Variants in BNC2 observed in about 807,000 individuals in gnomAD.
BNC2 encodes the protein basonuclin zinc finger protein 2.
In BNC2, 20 loss-of-function variants were observed where a neutral mutation model predicts 76.3. The ratio of observed to expected loss-of-function variants is 0.26; its 90% confidence interval spans 0.18 to 0.38. The LOEUF is 0.38. Ranked by LOEUF, BNC2 falls within the 10% of genes least tolerant of loss-of-function variation. The pLI is 1.00. For missense variants in BNC2, 1,382 were observed against 1,399.8 expected (o/e 0.99, Z 0.20); for synonymous variants, 582 against 514.8 (o/e 1.13, Z -1.77).
At position 16,416,587 on chromosome 9, in the gene BNC2, T is replaced by C. The variant is rs1205545265; in HGVS notation, c.*2402A>G. The C allele has an allele frequency of 6.6e-6, 1 of 152,618 alleles. No individual in the cohort carries two copies. The highest frequency in any genetic ancestry group is 1.5e-5 in the Non-Finnish European group (1 of 68,048). The allele number at this position is 152,618 out of a possible 1,614,324, so 9.5% of individuals were successfully genotyped here. A position where few individuals can be genotyped will look rare whatever the true frequency, so the allele number is the denominator to read the frequency against. The stretch of plus-strand genomic sequence containing the variant: ...AACAAAAACGATTATTACTAATTCC[T>C]CAGCTTTTTACCATAAACACTTGTC... On this transcript the variant is annotated 3_prime_UTR_variant, in exon 7 of 7. Coordinates refer to ENST00000380672, the MANE Select transcript of BNC2 (RefSeq NM_017637.6).
chr9:16,427,794 T>C (rs1248377319), intron 6 of BNC2, among the ~76,000 whole-genome samples: 1 of 152,292 alleles, frequency 6.6e-6, no homozygotes, highest in Admixed American at 6.5e-5. Context: ...ACAGCATCTT[T>C]ACCTACCCTC....
chr9:16,492,143 T>C (rs987385591), intron 5 of BNC2, among the ~76,000 whole-genome samples: 1 of 151,578 alleles, frequency 6.6e-6, no homozygotes, highest in East Asian at 1.9e-4. Context: ...TTCTTTTTTT[T>C]CCCCACCCTT....
At chr9:16,563,796 A>C (rs1247307913) in intron 4 of BNC2, among the ~76,000 whole-genome samples, 1 of 152,234 alleles carries the variant, frequency 6.6e-6, no homozygotes, top group African/African-American at 2.4e-5. Context: ...GGATACATGA[A>C]CTAATCTGAG....
chr9:16,582,927 A>G lies in BNC2; in HGVS notation c.433+56T>C, dbSNP rs966204401. On this transcript the variant is annotated intron_variant, in intron 4 of 6. Transcript: ENST00000380672. ...CACACACACACACACACACACACAC[A>G]CACACACGAACATGAACATAATAAG... is the stretch of plus-strand genomic sequence containing the variant. 3 of 1,294,414 alleles carry G rather than the reference A, an allele frequency of 2.3e-6. No homozygotes were observed. In the African/African-American group the frequency reaches 4.4e-5, roughly 19 times the overall value. The allele number at this position is 1,294,414 out of a possible 1,614,324, so 80.2% of individuals were successfully genotyped here.
intron 1 of BNC2, among the ~76,000 whole-genome samples, chr9:16,843,324 A>G (rs1295042024): frequency 6.6e-6 from 1 of 152,174 alleles, no homozygotes; most frequent in African/African-American, 2.4e-5. Context: ...GGTGTACACT[A>G]AGATACATTC....
At position 16,780,105 on chromosome 9, in the gene BNC2, G is replaced by A. The variant is rs570634931; in HGVS notation, c.4-41620C>T. ...CAAAAAATTAGCCGGGCGCGGTGGC[G>A]GGTGCCTGTAGTCCCAGCTACTAGG... On this transcript the variant is annotated intron_variant, in intron 1 of 6. Transcript: ENST00000380672. 4.0e-5 allele frequency among the ~76,000 whole-genome samples: 6 copies of A among 151,524 alleles called. No individual in the cohort carries two copies. The South Asian group carries it at 6.3e-4, about 16-fold the overall frequency.
At chr9:16,839,478 A>C (rs1343300463) in intron 1 of BNC2, among the ~76,000 whole-genome samples, 1 of 152,200 alleles carries the variant, frequency 6.6e-6, no homozygotes, top group Admixed American at 6.5e-5. Flanking sequence ...AAGCAATGAT[A>C]AACATTTAAT....
intron 5 of BNC2, among the ~76,000 whole-genome samples, chr9:16,491,951 C>A (rs1822288198): frequency 6.6e-6 from 1 of 152,134 alleles, no homozygotes; most frequent in African/African-American, 2.4e-5. Flanking sequence ...TCCGCTTTTA[C>A]AAATCAATTT....
intron 3 of BNC2, among the ~76,000 whole-genome samples, chr9:16,657,069 G>T (rs1324298729): frequency 2.0e-5 from 3 of 152,136 alleles, no homozygotes; most frequent in African/African-American, 7.2e-5. Flanking sequence ...GCTTAGTTTT[G>T]AAGTGGATCA....
intron 1 of BNC2, among the ~76,000 whole-genome samples, chr9:16,867,195 C>A (rs1009917839): frequency 2.8e-4 from 43 of 152,114 alleles, no homozygotes; most frequent in African/African-American, 8.7e-4. Context: ...TAAAAATCTA[C>A]ATTTAAATGC....
intron 5 of BNC2, among the ~76,000 whole-genome samples, chr9:16,502,843 G>A (rs1333925823): frequency 6.6e-6 from 1 of 152,106 alleles, no homozygotes; most frequent in Non-Finnish European, 1.5e-5. Context: ...GAAGAGATGG[G>A]GTTAATCCCA....
intron 3 of BNC2, among the ~76,000 whole-genome samples, chr9:16,637,761 T>G (rs2133816050): frequency 6.6e-6 from 1 of 152,192 alleles, no homozygotes; most frequent in Non-Finnish European, 1.5e-5. Flanking sequence ...TACTAGAAAT[T>G]TTAAGATACA....
intron 1 of BNC2, among the ~76,000 whole-genome samples, chr9:16,787,930 T>C (rs73410490): frequency 2.0e-3 from 300 of 152,258 alleles, no homozygotes; most frequent in Middle Eastern, 6.8e-3. Flanking sequence ...TTAGAATCAC[T>C]GAATCATAGC....
In BNC2 at chr9:16,834,635, T is replaced by C. The variant is rs114818395; in HGVS notation, c.3+36011A>G. 2.2e-3 allele frequency among the ~76,000 whole-genome samples: 334 copies of C among 152,348 alleles called. 1 individual carries two copies. Among genetic ancestry groups the C allele is most frequent in the African/African-American group, 7.6e-3 (315 of 41,582 alleles). Reference sequence around the variant, plus strand: ...TGTTTGCCTTCCACAATTAGCATTTTACATTTTTGCCTGATTATCTAATAA... The same window carrying C: ...TGTTTGCCTTCCACAATTAGCATTTCACATTTTTGCCTGATTATCTAATAA... On this transcript the variant is annotated intron_variant, in intron 1 of 6. Coordinates refer to ENST00000380672, the MANE Select transcript of BNC2 (RefSeq NM_017637.6).
intron 1 of BNC2, among the ~76,000 whole-genome samples, chr9:16,792,462 A>G (rs1234339993): frequency 6.6e-6 from 1 of 152,238 alleles, no homozygotes. Flanking sequence ...CCTGATTCAT[A>G]TAATTCAAAG....
intron 5 of BNC2, among the ~76,000 whole-genome samples, chr9:16,520,214 C>G (rs1239222278): frequency 6.6e-6 from 1 of 152,180 alleles, no homozygotes; most frequent in Admixed American, 6.5e-5. Flanking sequence ...TCTCACACTG[C>G]TGAACACCAA....
chr9:16,848,731 G>T (rs1003251393), intron 1 of BNC2, among the ~76,000 whole-genome samples: 2 of 152,158 alleles, frequency 1.3e-5, no homozygotes, highest in Non-Finnish European at 2.9e-5. Flanking sequence ...AGAAAAGTTT[G>T]ACCCTCAAGT....
chr9:16,778,975 G>A (rs941784270), intron 1 of BNC2, among the ~76,000 whole-genome samples: 5 of 151,978 alleles, frequency 3.3e-5, no homozygotes, highest in Admixed American at 6.6e-5. Flanking sequence ...CAGTGGTAAT[G>A]CAATGTTCAA....
At chr9:16,611,369 C>G (rs773941632) in intron 3 of BNC2, among the ~76,000 whole-genome samples, 1 of 152,070 alleles carries the variant, frequency 6.6e-6, no homozygotes, top group South Asian at 2.1e-4. Flanking sequence ...TTTGAATTAT[C>G]TGGAAAACGG....
Sources: gnomAD v4.1 joint callset for allele counts (sites outside exome capture counted in the v4.1 genomes callset) on GRCh38, gnomAD v4.1.1 for gene constraint, MANE v1.5 for transcripts, NCBI Gene and HGNC (gene_info 2026-07-23, HGNC 2026-07-21) for gene names.